CENPO: variants seen among roughly 807,000 people sequenced by gnomAD.
CENPO encodes centromeric protein O.
Under a neutral mutation model 36.1 loss-of-function variants are expected in CENPO, and 30 were observed. The ratio of observed to expected loss-of-function variants is 0.83; its 90% confidence interval spans 0.62 to 1.13. The LOEUF is 1.13. Among genes scored for constraint, CENPO ranks in the 50% most tolerant of loss-of-function variants. The pLI is 0.00. For synonymous variants in CENPO, 171 were observed against 142.3 expected (o/e 1.20, Z -1.44); for missense variants, 349 against 357.8 (o/e 0.98, Z 0.20).
intron 3 of CENPO, among the ~76,000 whole-genome samples, chr2:24,809,659 C>G (rs1270421463): frequency 2.0e-5 from 3 of 150,126 alleles, no homozygotes; most frequent in Non-Finnish European, 4.4e-5. Context: ...CTTCTTTGGC[C>G]CGTGGGTTTG....
intron 6 of CENPO, 44 bp downstream of exon 6, chr2:24,816,861 A>G (rs1230481599): frequency 3.9e-6 from 6 of 1,527,922 alleles, no homozygotes; most frequent in Non-Finnish European, 4.4e-6. Context: ...ATCCCAGTTT[A>G]TTTGAGTGAA....
chr2:24,813,600 A>G (rs929125158), intron 3 of CENPO, among the ~76,000 whole-genome samples: 1 of 152,160 alleles, frequency 6.6e-6, no homozygotes, highest in African/African-American at 2.4e-5. Flanking sequence ...GAATTAGCAA[A>G]TGCCGGGAGG....
At position 24,820,686 on chromosome 2, in the gene CENPO, C is replaced by G. The variant is rs567345479; in HGVS notation, c.*1368C>G. 13 of 1,612,070 alleles carry G rather than the reference C, an allele frequency of 8.1e-6. No homozygotes were observed. Among genetic ancestry groups the G allele is most frequent in the Admixed American group, 1.7e-5 (1 of 59,898 alleles). On this transcript the variant is annotated 3_prime_UTR_variant, in exon 8 of 8. Coordinates refer to ENST00000380834, the MANE Select transcript of CENPO (RefSeq NM_001322101.2). The stretch of plus-strand genomic sequence containing the variant: ...CACTGTTCCGGTTTTGTTCTCATGC[C>G]GAGTCTGAGCACGTGCCAGCTGTGC...
Position 24,820,174 on chromosome 2 carries a change from G to GT in CENPO, c.*857dup. 1.5e-6 allele frequency: 2 copies of GT among 1,299,280 alleles called. No individual in the cohort carries two copies. Among genetic ancestry groups the GT allele is most frequent in the East Asian group, 5.1e-5 (2 of 38,944 alleles). The allele number at this position is 1,299,280 out of a possible 1,614,324, so 80.5% of individuals were successfully genotyped here. ...CGGGGGGAGCCTAGACTGAGGGCGG[G>GT]TGGGGGCTTTGGGTGGTTGGAGCCG... On this transcript the variant is annotated 3_prime_UTR_variant, in exon 8 of 8. Coordinates refer to ENST00000380834, the MANE Select transcript of CENPO (RefSeq NM_001322101.2).
At chr2:24,812,251 C>T (rs1053627702) in intron 3 of CENPO, among the ~76,000 whole-genome samples, 2 of 152,046 alleles carry the variant, frequency 1.3e-5, no homozygotes, top group Admixed American at 6.6e-5. Context: ...CTTCTAGGGC[C>T]ATAGTATCTT....
chr2:24,818,396 G>A (rs930940353), intron 7 of CENPO, among the ~76,000 whole-genome samples: 1 of 151,568 alleles, frequency 6.6e-6, no homozygotes, highest in Admixed American at 6.6e-5. Flanking sequence ...TTTTTTAAAA[G>A]GAAAGTATTT....
rs1401375753 is a variant in CENPO, at chr2:24,820,152, G to A, written c.*834G>A. On this transcript the variant is annotated 3_prime_UTR_variant, in exon 8 of 8. Coordinates refer to ENST00000380834, the MANE Select transcript of CENPO (RefSeq NM_001322101.2). ...GGGGAGCAAGAACGTGGCGTTACGG[G>A]GGGAGCCTAGACTGAGGGCGGGTGG... 3 of 1,504,686 alleles carry A rather than the reference G, an allele frequency of 2.0e-6. No homozygotes were observed. Among genetic ancestry groups the A allele is most frequent in the Non-Finnish European group, 2.7e-6 (3 of 1,120,262 alleles). The allele number at this position is 1,504,686 out of a possible 1,614,324, so 93.2% of individuals were successfully genotyped here. A position where few individuals can be genotyped will look rare whatever the true frequency, so the allele number is the denominator to read the frequency against.
Position 24,821,906 on chromosome 2 carries a change from T to C in CENPO, c.*2588T>C. 2.4e-6 allele frequency: 1 copy of C among 416,834 alleles called. No individual in the cohort carries two copies. Among genetic ancestry groups the C allele is most frequent in the African/African-American group, 2.0e-5 (1 of 49,544 alleles). 25.8% of individuals were successfully genotyped at this position (416,834 alleles called of 1,614,324 possible). On this transcript the variant is annotated 3_prime_UTR_variant, in exon 8 of 8. Coordinates refer to ENST00000380834, the MANE Select transcript of CENPO (RefSeq NM_001322101.2). ...GACCACGAGGCGGACCCCTTCACCTTGGCTGGGCCTGGTCCTGGTCCTTAG... is the reference window on the plus strand; with the variant it reads ...GACCACGAGGCGGACCCCTTCACCTCGGCTGGGCCTGGTCCTGGTCCTTAG...
intron 7 of CENPO, among the ~76,000 whole-genome samples, chr2:24,818,920 C>T (rs529921204): frequency 2.0e-5 from 3 of 152,350 alleles, no homozygotes; most frequent in Admixed American, 2.0e-4. Flanking sequence ...GCAATGGCCA[C>T]GAAGTAACCT....
At chr2:24,795,368 A>G (rs1220283057) in intron 2 of CENPO, among the ~76,000 whole-genome samples, 2 of 152,212 alleles carry the variant, frequency 1.3e-5, no homozygotes, top group Non-Finnish European at 2.9e-5. Flanking sequence ...GATTTATTCA[A>G]ATAGGCAGGG....
In CENPO at chr2:24,821,210, G is replaced by A. The variant is rs908749328; in HGVS notation, c.*1892G>A. 2.3e-6 allele frequency: 1 copy of A among 440,112 alleles called. No homozygotes were observed. The highest frequency in any genetic ancestry group is 4.1e-6 in the Non-Finnish European group (1 of 245,818). 27.3% of individuals were successfully genotyped at this position (440,112 alleles called of 1,614,324 possible). ...AGAGCAGGCCTGTCTGGGAAGCCAT[G>A]TCCTCAGCAGGCACAGCAACCCCTC... On this transcript the variant is annotated 3_prime_UTR_variant, in exon 8 of 8. Coordinates refer to ENST00000380834, the MANE Select transcript of CENPO (RefSeq NM_001322101.2).
chr2:24,821,368 T>C lies in CENPO; in HGVS notation c.*2050T>C. On this transcript the variant is annotated 3_prime_UTR_variant, in exon 8 of 8. Transcript: ENST00000380834. ...CATCTAGAGTCGTCTGGACTAAAGG[T>C]CTTTCAGGTCTCCTTGCCCTGTGAG... 8.5e-7 allele frequency: 1 copy of C among 1,173,882 alleles called. No homozygotes were observed. The highest frequency in any genetic ancestry group is 2.4e-5 in the East Asian group (1 of 42,030). 72.7% of individuals were successfully genotyped at this position (1,173,882 alleles called of 1,614,324 possible). A position where few individuals can be genotyped will look rare whatever the true frequency, so the allele number is the denominator to read the frequency against.
rs749903893 is a variant in CENPO at position 24,819,966 on chromosome 2, A to G, written c.*648A>G. The G allele has an allele frequency of 2.5e-6, 4 of 1,613,844 alleles. No individual in the cohort carries two copies. Among genetic ancestry groups the G allele is most frequent in the Non-Finnish European group, 3.4e-6 (4 of 1,179,886 alleles). ...GTCCACCACCTGGTGGGGCAGTGTG[A>G]CAGAGGGGCCATTGGGGAAGGTGGC... On this transcript the variant is annotated 3_prime_UTR_variant, in exon 8 of 8. Coordinates refer to ENST00000380834, the MANE Select transcript of CENPO (RefSeq NM_001322101.2).
Position 24,820,926 on chromosome 2 carries a change from A to C in CENPO, c.*1608A>C. ...GCCTCAGAAGCCATCTCCTCTCCAG[A>C]CCTGTACCACAAAGCTCCTAATGTA... On this transcript the variant is annotated 3_prime_UTR_variant, in exon 8 of 8. Transcript: ENST00000380834. The C allele has an allele frequency of 1.3e-6, 2 of 1,562,320 alleles. No individual in the cohort carries two copies. The highest frequency in any genetic ancestry group is 1.7e-6 in the Non-Finnish European group (2 of 1,150,794).
At chr2:24,815,871 C>G (rs1666918828) in intron 5 of CENPO, 115 bp downstream of exon 5, 2 of 894,036 alleles carry the variant, frequency 2.2e-6, no homozygotes, top group Admixed American at 2.7e-5. Context: ...TGACCGTTAC[C>G]TTTCCGATGC....
chr2:24,820,556 G>A lies in CENPO; in HGVS notation c.*1238G>A, dbSNP rs1313472625. The A allele has an allele frequency of 3.5e-6, 5 of 1,412,662 alleles. No individual in the cohort carries two copies. The highest frequency in any genetic ancestry group is 4.7e-6 in the Non-Finnish European group (5 of 1,069,418). 87.5% of individuals were successfully genotyped at this position (1,412,662 alleles called of 1,614,324 possible). A position where few individuals can be genotyped will look rare whatever the true frequency, so the allele number is the denominator to read the frequency against. ...TGGATGGGTGGAAGTGTTTCTTCCT[G>A]TGCTGAGGCTAGCTATTGCAGAGAT... is the stretch of plus-strand genomic sequence containing the variant. On this transcript the variant is annotated 3_prime_UTR_variant, in exon 8 of 8. Transcript: ENST00000380834.
intron 1 of CENPO, 26 bp downstream of exon 1, chr2:24,793,527 G>A (rs1393189594): frequency 2.6e-6 from 4 of 1,563,692 alleles, no homozygotes; most frequent in Non-Finnish European, 2.6e-6. Flanking sequence ...GAAGGTAGGG[G>A]AAAGACCCAT....
Position 24,820,686 on chromosome 2 carries a change from CGA to C in CENPO, c.*1370_*1371del. ...CACTGTTCCGGTTTTGTTCTCATGCCGAGTCTGAGCACGTGCCAGCTGTGCCA... is the reference window on the plus strand; with the variant it reads ...CACTGTTCCGGTTTTGTTCTCATGCCGTCTGAGCACGTGCCAGCTGTGCCA... On this transcript the variant is annotated 3_prime_UTR_variant, in exon 8 of 8. Transcript: ENST00000380834. 3.1e-6 allele frequency: 5 copies of C among 1,612,188 alleles called. No homozygotes were observed. The highest frequency in any genetic ancestry group is 4.2e-6 in the Non-Finnish European group (5 of 1,178,864).
intron 3 of CENPO, among the ~76,000 whole-genome samples, chr2:24,809,979 C>T (rs185483968): frequency 2.7e-5 from 4 of 148,460 alleles, no homozygotes; most frequent in Admixed American, 6.8e-5. Flanking sequence ...ACCTGGGAGG[C>T]GGGGGTTACA....
Sources: allele counts gnomAD v4.1 joint callset (sites outside exome capture counted in the v4.1 genomes callset), GRCh38; gene constraint gnomAD v4.1.1; transcripts MANE v1.5; gene names NCBI Gene and HGNC (gene_info 2026-07-23, HGNC 2026-07-21).